The following FYN variants were observed in gnomAD, a reference collection of about 807,000 sequenced individuals.
FYN encodes the protein tyrosine-protein kinase Fyn.
In FYN, 10 loss-of-function variants were observed where a neutral mutation model predicts 70.2. The ratio of observed to expected loss-of-function variants is 0.14; its 90% CI spans 0.09 to 0.24. The LOEUF (loss-of-function observed/expected upper bound fraction) is 0.24, where lower values mean the gene tolerates loss of function less well. Among genes scored for constraint, FYN ranks in the 10% least tolerant of loss-of-function variants. The pLI is 1.00. For synonymous variants in FYN, 236 were observed against 248.6 expected (o/e 0.95, Z 0.48); for missense variants, 319 against 673.1 (o/e 0.47, Z 5.82).
intron 1 of FYN, among the ~76,000 whole-genome samples, chr6:111,850,709 C>T (rs1460710747): frequency 6.6e-6 from 1 of 152,212 alleles, no homozygotes; most frequent in Non-Finnish European, 1.5e-5. Context: ...CCCTGGCTCT[C>T]TGCCTGCAGC....
chr6:111,764,103 G>A (rs1803113099), intron 3 of FYN, among the ~76,000 whole-genome samples: 1 of 151,136 alleles, frequency 6.6e-6, no homozygotes, highest in South Asian at 2.1e-4. Context: ...GCTGGGTGAG[G>A]TTGCAGGGAG....
At chr6:111,871,173 C>T (rs2114255468) in intron 1 of FYN, among the ~76,000 whole-genome samples, 1 of 152,310 alleles carries the variant, frequency 6.6e-6, no homozygotes, top group African/African-American at 2.4e-5. Flanking sequence ...GCTTACAAAA[C>T]GGAACATTAA....
chr6:111,760,381 C>T (rs1802950446), intron 3 of FYN, among the ~76,000 whole-genome samples: 1 of 152,114 alleles, frequency 6.6e-6, no homozygotes, highest in Non-Finnish European at 1.5e-5. Flanking sequence ...CTGGGCTCCT[C>T]GCAGCTGTAG....
At chr6:111,687,386 C>T (rs984833388) in intron 12 of FYN, among the ~76,000 whole-genome samples, 1 of 152,144 alleles carries the variant, frequency 6.6e-6, no homozygotes. Flanking sequence ...CCGAATGTTC[C>T]TATTTTTATT....
At chr6:111,761,211 TTCTTTA>T (rs1214124767) in intron 3 of FYN, among the ~76,000 whole-genome samples, 33 of 152,340 alleles carry the variant, frequency 2.2e-4, no homozygotes, top group African/African-American at 7.2e-4. Context: ...AGCCTTCACA[TTCTTTA>T]TCTGAGTCCA....
intron 2 of FYN, among the ~76,000 whole-genome samples, chr6:111,801,979 A>G (rs537076047): frequency 6.6e-6 from 1 of 152,230 alleles, no homozygotes; most frequent in Non-Finnish European, 1.5e-5. Context: ...CCATCTCAGC[A>G]TTCAAAATGT....
intron 3 of FYN, among the ~76,000 whole-genome samples, chr6:111,737,467 T>C (rs1801758385): frequency 6.6e-6 from 1 of 152,222 alleles, no homozygotes; most frequent in South Asian, 2.1e-4. Context: ...CAGTTATGTT[T>C]ACTACTTCAT....
chr6:111,784,314 A>G (rs1460512947), intron 2 of FYN, among the ~76,000 whole-genome samples: 2 of 152,182 alleles, frequency 1.3e-5, no homozygotes, highest in Non-Finnish European at 2.9e-5. Flanking sequence ...GCAGCTGGAA[A>G]ACATCCTGAC....
At chr6:111,852,624 A>T (rs1773714688) in intron 1 of FYN, among the ~76,000 whole-genome samples, 1 of 152,222 alleles carries the variant, frequency 6.6e-6, no homozygotes, top group Non-Finnish European at 1.5e-5. Context: ...CAACTGAAGG[A>T]ACTGTGTCAG....
intron 1 of FYN, among the ~76,000 whole-genome samples, chr6:111,857,949 T>C (rs892736047): frequency 2.0e-5 from 3 of 152,200 alleles, no homozygotes; most frequent in Admixed American, 6.5e-5. Flanking sequence ...GTTTGGCTGA[T>C]GTAGCTGGTC....
intron 5 of FYN, chr6:111,709,030 T>A (rs2128451976): frequency 6.6e-6 from 1 of 152,236 alleles, no homozygotes; most frequent in African/African-American, 2.4e-5. Context: ...GGCTCTGACA[T>A]CCACTGAGTA....
chr6:111,721,055 G>A (rs1042344827), intron 3 of FYN, among the ~76,000 whole-genome samples: 6 of 152,046 alleles, frequency 3.9e-5, no homozygotes, highest in Admixed American at 2.0e-4. Flanking sequence ...CACCCGCTTC[G>A]GGCCTTGGAA....
chr6:111,712,629 C>T (rs547655577), intron 5 of FYN, among the ~76,000 whole-genome samples: 56 of 152,344 alleles, frequency 3.7e-4, no homozygotes, highest in Non-Finnish European at 6.9e-4. Context: ...CAAACGATGA[C>T]GTCGATGCAT....
chr6:111,846,660 T>G (rs1773537730), intron 1 of FYN, 31 bp from the exon 2 acceptor site: 2 of 398,772 alleles, frequency 5.0e-6, no homozygotes, highest in Non-Finnish European at 8.8e-6. Context: ...AAGTGAGACA[T>G]CAAAAGAGAA....
chr6:111,753,733 T>A (rs531445143), intron 3 of FYN, among the ~76,000 whole-genome samples: 6 of 152,286 alleles, frequency 3.9e-5, no homozygotes, highest in African/African-American at 1.4e-4. Context: ...TAGCTGAAAG[T>A]AATTTCAATT....
intron 3 of FYN, among the ~76,000 whole-genome samples, chr6:111,726,752 G>T (rs1307474973): frequency 6.6e-6 from 1 of 152,178 alleles, no homozygotes; most frequent in Non-Finnish European, 1.5e-5. Flanking sequence ...ACCTCAAATT[G>T]TAATCCCTAT....
rs1186002781 is a variant in FYN, at chr6:111,813,813, G to A, written c.-82+32776C>T. 9 of 152,260 alleles carry A rather than the reference G, an allele frequency of 5.9e-5. No homozygotes were observed. In the East Asian group the frequency reaches 1.2e-3, roughly 20 times the overall value. The allele number at this position is 152,260 out of a possible 1,614,324, so 9.4% of individuals were successfully genotyped here. A position where few individuals can be genotyped will look rare whatever the true frequency, so the allele number is the denominator to read the frequency against. On this transcript the variant is annotated intron_variant, in intron 2 of 13. Transcript: ENST00000354650. Reference sequence around the variant, plus strand: ...TTCACTATGTGGTAAGAGGATGTGCGTGGATGCCAGAGTGTCCTCAAAGAG... The same window carrying A: ...TTCACTATGTGGTAAGAGGATGTGCATGGATGCCAGAGTGTCCTCAAAGAG...
chr6:111,711,453 T>C (rs1485995450), intron 5 of FYN, among the ~76,000 whole-genome samples: 2 of 152,354 alleles, frequency 1.3e-5, no homozygotes, highest in East Asian at 3.9e-4. Flanking sequence ...AATTTAATAA[T>C]GTCCTAATAC....
At chr6:111,749,804 G>A (rs1455683569) in intron 3 of FYN, among the ~76,000 whole-genome samples, 8 of 152,004 alleles carry the variant, frequency 5.3e-5, no homozygotes, top group Admixed American at 6.6e-5. Context: ...ATAAATATAT[G>A]TTCAAAATAT....
Sources: allele counts gnomAD v4.1 joint callset (sites outside exome capture counted in the v4.1 genomes callset), GRCh38; gene constraint gnomAD v4.1.1; transcripts MANE v1.5; gene names NCBI Gene and HGNC (gene_info 2026-07-23, HGNC 2026-07-21).